The following FN1 variants were observed in gnomAD, a reference collection of about 807,000 sequenced individuals.
FN1 encodes fibronectin.
Under a neutral mutation model 297.3 loss-of-function variants are expected in FN1, and 106 were observed. The ratio of observed to expected loss-of-function variants is 0.36; its 90% confidence interval spans 0.30 to 0.42. The LOEUF (loss-of-function observed/expected upper bound fraction) is 0.42. Ranked by LOEUF, FN1 falls within the 10% of genes least tolerant of loss-of-function variation. The probability of loss-of-function intolerance (pLI) is 1.00; values close to 1 mark genes in which losing one functional copy is unlikely to be tolerated. For missense variants in FN1, 2,690 were observed against 3,124.9 expected (o/e 0.86, Z 3.32); for synonymous variants, 1,149 against 1,152.6 (o/e 1.00, Z 0.06).
At chr2:215,383,526 T>C (rs749751536) in intron 30 of FN1, 43 bp from the exon 31 acceptor site, 41 of 1,607,892 alleles carry the variant, frequency 2.5e-5, no homozygotes, top group Admixed American at 6.7e-5. Context: ...CCCCAGTCCT[T>C]GGAGACAAGA....
At chr2:215,414,754 T>C (rs749952085) in intron 13 of FN1, 83 bp downstream of exon 13, 3 of 1,591,578 alleles carry the variant, frequency 1.9e-6, no homozygotes, top group Non-Finnish European at 2.6e-6. Context: ...AGTTGTTGGC[T>C]CAAAAGCTGG....
At chr2:215,367,385 G>A (rs33996776) in intron 42 of FN1, among the ~76,000 whole-genome samples, 37,803 of 152,026 alleles carry the variant, frequency 0.25, 5,517 homozygotes, top group South Asian at 0.46. Flanking sequence ...AGCTACCTGG[G>A]CTATGTGTGT....
intron 5 of FN1, among the ~76,000 whole-genome samples, chr2:215,430,079 A>G (rs1308248866): frequency 1.3e-5 from 2 of 152,240 alleles, no homozygotes; most frequent in Non-Finnish European, 2.9e-5. Context: ...TGGCTATGTT[A>G]AAGGTAGTTA....
At position 215,422,141 on chromosome 2, in the gene FN1, A is replaced by G. The variant is rs2106418339; in HGVS notation, c.1496T>C (p.Val499Ala). 1.2e-6 allele frequency: 2 copies of G among 1,614,164 alleles called. No homozygotes were observed. The highest frequency in any genetic ancestry group is 2.2e-5 in the East Asian group (1 of 44,882). The part of the protein sequence containing the change: ...DMGHMMRCTC[V>A]GNGRGEWTCI... ...TGTCCATTCCCCACGACCATTCCCAACACACGTGCACCTCATCATGTGACC... is the reference window on the plus strand; with the variant it reads ...TGTCCATTCCCCACGACCATTCCCAGCACACGTGCACCTCATCATGTGACC... The change falls in exon 10 of 46, where the codon GTT becomes GCT. Residue 499 changes from valine to alanine, a missense_variant. Physicochemically the swap from Val to Ala is moderately conservative, Grantham distance 64. Around this residue, in one of 3 missense-constraint regions of FN1, gnomAD observed 876 missense variants for 1,058.1 expected, o/e 0.83. Transcript: ENST00000354785.
intron 4 of FN1, among the ~76,000 whole-genome samples, chr2:215,431,103 G>A (rs556337374): frequency 3.3e-5 from 5 of 152,102 alleles, no homozygotes; most frequent in African/African-American, 4.8e-5. Context: ...TATTTTCAGC[G>A]AGCCCCAAAC....
At chr2:215,381,217 C>A (rs2058156900) in intron 32 of FN1, 137 bp from the exon 33 acceptor site, 2 of 797,622 alleles carry the variant, frequency 2.5e-6, no homozygotes, top group Non-Finnish European at 4.2e-6. Flanking sequence ...AAGGAAAAAT[C>A]ACTTAAACAC....
At chr2:215,404,050 C>CA (rs1198567399) in intron 20 of FN1, among the ~76,000 whole-genome samples, 1 of 152,202 alleles carries the variant, frequency 6.6e-6, no homozygotes, top group Non-Finnish European at 1.5e-5. Context: ...CCATGTTACT[C>CA]AAAGTGCTGG....
At chr2:215,375,111 C>T (rs1483084189) in intron 38 of FN1, 103 bp downstream of exon 38, 16 of 1,173,476 alleles carry the variant, frequency 1.4e-5, no homozygotes, top group South Asian at 3.7e-5. Flanking sequence ...AACAGAGTTT[C>T]GCATTCTCAT....
chr2:215,393,398 G>A (rs1055823373), intron 24 of FN1, 195 bp from the exon 25 acceptor site: 1 of 462,592 alleles, frequency 2.2e-6, no homozygotes, highest in Non-Finnish European at 3.8e-6. Context: ...TGCTTCCCTA[G>A]AAGAATAAAC....
chr2:215,408,492 A>T, intron 15 of FN1, 66 bp from the exon 16 acceptor site: 1 of 1,482,954 alleles, frequency 6.7e-7, no homozygotes, highest in African/African-American at 1.4e-5. Flanking sequence ...TCTACAGCTT[A>T]TAAGAAGGAT....
rs73089351 is a variant in FN1 at position 215,364,678 on chromosome 2, G to A, written c.7251+201C>T. The A allele has an allele frequency of 0.012, 7,131 of 613,756 alleles. 386 individuals carry two copies. The highest frequency in any genetic ancestry group is 0.12 in the African/African-American group (6,314 of 54,622). The allele number at this position is 613,756 out of a possible 1,614,324, so 38.0% of individuals were successfully genotyped here. On this transcript the variant is annotated intron_variant, in intron 44 of 45. Coordinates refer to ENST00000354785, the MANE Select transcript of FN1 (RefSeq NM_212482.4). ...CATTCATTCATTCTTTCTACTAAGAGTAATAGAAAGAATGAATGGCATGTA... is the reference window on the plus strand; with the variant it reads ...CATTCATTCATTCTTTCTACTAAGAATAATAGAAAGAATGAATGGCATGTA...
At chr2:215,407,998 T>G in intron 17 of FN1, 110 bp downstream of exon 17, 4 of 716,468 alleles carry the variant, frequency 5.6e-6, no homozygotes, top group Non-Finnish European at 9.7e-6. Context: ...CTCCCATAAA[T>G]TATATTGGAG....
Position 215,397,145 on chromosome 2 carries a change from G to T in FN1, c.3596C>A (p.Thr1199Asn). The change falls in exon 23 of 46, where the codon ACC becomes AAC. Residue 1199 changes from threonine to asparagine, a missense_variant. This residue lies in a region of FN1 where 1,743 missense variants were observed against 1,945.2 expected (regional missense o/e 0.90). Coordinates refer to ENST00000354785, the MANE Select transcript of FN1 (RefSeq NM_212482.4). ...GVLTVSWERS[T>N]TPDITGYRIT... ...ATCCATCCCAAACTTACCTGGGGTGGTGCTCCTCTCCCAGGAGACTGTGAG... is the reference window on the plus strand; with the variant it reads ...ATCCATCCCAAACTTACCTGGGGTGTTGCTCCTCTCCCAGGAGACTGTGAG... The T allele has an allele frequency of 6.2e-7, 1 of 1,612,344 alleles. No individual in the cohort carries two copies. Among genetic ancestry groups the T allele is most frequent in the Non-Finnish European group, 8.5e-7 (1 of 1,178,390 alleles).
intron 34 of FN1, among the ~76,000 whole-genome samples, chr2:215,378,507 A>G (rs2057706767): frequency 6.6e-6 from 1 of 151,572 alleles, no homozygotes; most frequent in Non-Finnish European, 1.5e-5. Flanking sequence ...ACTTAAACTA[A>G]GCTGGTAAAA....
At chr2:215,392,798 C>T in intron 25 of FN1, 133 bp downstream of exon 25, 1 of 969,918 alleles carries the variant, frequency 1.0e-6, no homozygotes, top group Non-Finnish European at 1.6e-6. Context: ...ATTCCTTATC[C>T]CCCCAATCCA....
chr2:215,424,252 C>A lies in FN1; in HGVS notation c.1110G>T (p.Thr370=). The A allele has an allele frequency of 6.2e-7, 1 of 1,613,780 alleles. No homozygotes were observed. ...CVLPFTYNGR[T]FYSCTTEGRQ... ...GCCCTTCTGTGGTGCAGGAGTAGAA[C>A]GTCCTGCCATTGTAGGTGAATGGTA... The change falls in exon 8 of 46, where the codon ACG becomes ACT. Residue 370 remains threonine, a synonymous_variant. Coordinates refer to ENST00000354785, the MANE Select transcript of FN1 (RefSeq NM_212482.4).
At chr2:215,409,839 G>A (rs1455453774) in intron 14 of FN1, 95 bp downstream of exon 14, 11 of 1,592,454 alleles carry the variant, frequency 6.9e-6, no homozygotes, top group Non-Finnish European at 8.6e-6. Flanking sequence ...TGCCCCTCCT[G>A]GAAGAATATG....
rs764160618 is a variant in FN1, at chr2:215,423,315, G to C, written c.1393+35C>G. 2.5e-6 allele frequency: 4 copies of C among 1,610,712 alleles called. No individual in the cohort carries two copies. The South Asian group carries it at 4.4e-5, about 18-fold the overall frequency. ...TTTAGTCTCTACTCCCTAAATTGTT[G>C]TCAAACAAGACAACCCACAAGGGCT... On this transcript the variant is annotated intron_variant, in intron 9 of 45. Coordinates refer to ENST00000354785, the MANE Select transcript of FN1 (RefSeq NM_212482.4).
intron 9 of FN1, among the ~76,000 whole-genome samples, 171 bp from the exon 10 acceptor site, chr2:215,422,414 G>T (rs997104770): frequency 2.0e-5 from 3 of 152,150 alleles, no homozygotes; most frequent in Admixed American, 6.5e-5. Context: ...TAGAATTTTT[G>T]AGCCCTGGAG....
Sources: allele counts gnomAD v4.1 joint callset (sites outside exome capture counted in the v4.1 genomes callset), GRCh38; gene constraint gnomAD v4.1.1; regional missense constraint gnomAD v4.1.1; transcripts MANE v1.5; gene names NCBI Gene and HGNC (gene_info 2026-07-23, HGNC 2026-07-21).